The following PTPRD variants were observed in gnomAD, a reference collection of about 807,000 sequenced individuals.
PTPRD encodes receptor-type tyrosine-protein phosphatase delta.
In PTPRD, 34 loss-of-function variants were observed where a neutral mutation model predicts 214.5. The ratio of observed to expected loss-of-function variants is 0.16; its 90% CI spans 0.12 to 0.21. PTPRD has a LOEUF of 0.21. Ranked by LOEUF, PTPRD falls within the 10% of genes least tolerant of loss-of-function variation. The probability of loss-of-function intolerance (pLI) is 1.00; values close to 1 mark genes in which losing one functional copy is unlikely to be tolerated. For synonymous variants in PTPRD, 1,128 were observed against 845.7 expected, an observed-to-expected ratio of 1.33 and a Z score of -5.79; for missense variants, 2,545 against 2,398.7, an observed-to-expected ratio of 1.06 and a Z score of -1.27.
rs559668297 is a variant in PTPRD at position 10,446,177 on chromosome 9, T to C, written c.-599-105160A>G. Reference sequence around the variant, plus strand: ...AGAAAGGATTTGATGCTACAGGTAGTCCGAGATAAAAATGAAGAAAGCTAA... The same window carrying C: ...AGAAAGGATTTGATGCTACAGGTAGCCCGAGATAAAAATGAAGAAAGCTAA... On this transcript the variant is annotated intron_variant, in intron 2 of 45. Transcript: ENST00000381196. Among the ~76,000 whole-genome samples, 83 of 152,078 alleles carry C rather than the reference T, an allele frequency of 5.5e-4. 1 individual carries two copies. The South Asian group carries it at 0.016, about 29-fold the overall frequency.
chr9:9,175,913 G>A (rs1319714474), intron 10 of PTPRD, among the ~76,000 whole-genome samples: 5 of 152,008 alleles, frequency 3.3e-5, no homozygotes, highest in African/African-American at 9.7e-5. Context: ...AAATCTGTAG[G>A]CCTGAAAAAA....
intron 5 of PTPRD, among the ~76,000 whole-genome samples, chr9:9,873,515 C>T (rs1486394445): frequency 1.3e-5 from 2 of 151,840 alleles, no homozygotes; most frequent in Non-Finnish European, 2.9e-5. Context: ...GTAACAATGA[C>T]TCTCTGGGTA....
rs539826556 is a variant in PTPRD at position 8,714,505 on chromosome 9, G to A, written c.64+19275C>T. On this transcript the variant is annotated intron_variant, in intron 12 of 45. Coordinates refer to ENST00000381196, the MANE Select transcript of PTPRD (RefSeq NM_002839.4). ...GCCTGACCTCCAGATAGCTTGGTGC[G>A]CAGTAGAATACCTCCCCATTATAGG... 5.9e-5 allele frequency among the ~76,000 whole-genome samples: 9 copies of A among 152,052 alleles called. 1 individual carries two copies. The South Asian group carries it at 8.3e-4, about 14-fold the overall frequency.
chr9:8,866,869 C>G (rs1469409132), intron 11 of PTPRD, among the ~76,000 whole-genome samples: 1 of 151,976 alleles, frequency 6.6e-6, no homozygotes, highest in Non-Finnish European at 1.5e-5. Context: ...ACTGAATATT[C>G]TACTGAAATT....
chr9:8,474,271 C>T (rs2096718486), intron 30 of PTPRD, among the ~76,000 whole-genome samples: 1 of 152,066 alleles, frequency 6.6e-6, no homozygotes, highest in African/African-American at 2.4e-5. Flanking sequence ...CCATCTAGTA[C>T]CTCCCCCAGC....
intron 14 of PTPRD, among the ~76,000 whole-genome samples, chr9:8,530,990 C>T (rs1282007577): frequency 6.6e-6 from 1 of 152,090 alleles, no homozygotes; most frequent in Non-Finnish European, 1.5e-5. Context: ...TGATTCATGA[C>T]ATAATACCTT....
chr9:8,645,296 T>G (rs2096663571), intron 12 of PTPRD, among the ~76,000 whole-genome samples: 1 of 152,166 alleles, frequency 6.6e-6, no homozygotes, highest in Admixed American at 6.5e-5. Context: ...GAGACAAAAA[T>G]CAATGTCAGA....
intron 2 of PTPRD, among the ~76,000 whole-genome samples, chr9:10,424,258 A>G (rs1408946772): frequency 6.6e-6 from 1 of 151,938 alleles, no homozygotes; most frequent in Non-Finnish European, 1.5e-5. Flanking sequence ...TTGGCCAAAA[A>G]AAGAACATCT....
intron 35 of PTPRD, among the ~76,000 whole-genome samples, chr9:8,434,044 C>T (rs903100897): frequency 3.3e-5 from 5 of 151,982 alleles, no homozygotes; most frequent in South Asian, 2.1e-4. Flanking sequence ...TGCAATGGTG[C>T]GACCCTTGGC....
At chr9:10,332,344 GA>G (rs1182444222) in intron 3 of PTPRD, among the ~76,000 whole-genome samples, 1 of 151,842 alleles carries the variant, frequency 6.6e-6, no homozygotes, top group African/African-American at 2.4e-5. Flanking sequence ...GGAGAGCAAA[GA>G]GGCTTGACAT....
intron 3 of PTPRD, among the ~76,000 whole-genome samples, chr9:10,257,524 G>A (rs1214640102): frequency 6.6e-6 from 1 of 152,196 alleles, no homozygotes; most frequent in African/African-American, 2.4e-5. Flanking sequence ...AAATAAAAGA[G>A]TAATGATAAG....
At chr9:8,857,783 C>CGCG (rs1194894240) in intron 11 of PTPRD, 1 of 156,712 alleles carries the variant, frequency 6.4e-6, no homozygotes, top group African/African-American at 2.4e-5. Context: ...CCGCCGCCGC[C>CGCG]GAAGCCCCCC....
intron 3 of PTPRD, among the ~76,000 whole-genome samples, chr9:10,109,539 G>C (rs898111237): frequency 6.6e-6 from 1 of 152,068 alleles, no homozygotes; most frequent in Non-Finnish European, 1.5e-5. Context: ...CCATAAACCA[G>C]GGCAAATATA....
At chr9:10,004,972 C>T (rs2154098253) in intron 4 of PTPRD, among the ~76,000 whole-genome samples, 2 of 152,238 alleles carry the variant, frequency 1.3e-5, no homozygotes, top group Non-Finnish European at 2.9e-5. Context: ...AGTAGTCCAA[C>T]TGTAAATGCT....
intron 2 of PTPRD, among the ~76,000 whole-genome samples, chr9:10,341,681 T>C (rs1159298811): frequency 1.3e-5 from 2 of 151,996 alleles, no homozygotes; most frequent in African/African-American, 4.8e-5. Context: ...TGTAACATTA[T>C]AGTTCTGGGC....
chr9:9,687,977 T>C (rs1280241451), intron 7 of PTPRD, among the ~76,000 whole-genome samples: 8 of 151,808 alleles, frequency 5.3e-5, no homozygotes, highest in African/African-American at 1.7e-4. Flanking sequence ...GTTTTCATAA[T>C]AGTGAGGGAA....
intron 3 of PTPRD, among the ~76,000 whole-genome samples, chr9:10,051,565 G>T (rs1047256942): frequency 6.6e-6 from 1 of 151,550 alleles, no homozygotes; most frequent in African/African-American, 2.4e-5. Context: ...TCGTCATTTA[G>T]CATTAGGTAT....
chr9:9,445,479 T>C (rs2090060243), intron 8 of PTPRD, among the ~76,000 whole-genome samples: 1 of 152,144 alleles, frequency 6.6e-6, no homozygotes, highest in South Asian at 2.1e-4. Context: ...ACTGGATAAT[T>C]CATAAATGAA....
intron 2 of PTPRD, among the ~76,000 whole-genome samples, chr9:10,514,179 T>G (rs976522829): frequency 6.6e-6 from 1 of 152,106 alleles, no homozygotes; most frequent in African/African-American, 2.4e-5. Flanking sequence ...TACCAATCAA[T>G]AAATACAAAT....
Sources: allele counts gnomAD v4.1 joint callset (sites outside exome capture counted in the v4.1 genomes callset), GRCh38; gene constraint gnomAD v4.1.1; transcripts MANE v1.5; gene names NCBI Gene and HGNC (gene_info 2026-07-23, HGNC 2026-07-21).